Variants in DYNC2H1 observed in about 807,000 individuals in gnomAD.
The protein encoded by DYNC2H1 is cytoplasmic dynein 2 heavy chain 1.
A neutral mutation model predicts 570.0 loss-of-function variants in DYNC2H1; 410 were observed. The ratio of observed to expected loss-of-function variants is 0.72; its 90% CI spans 0.66 to 0.78. The LOEUF (loss-of-function observed/expected upper bound fraction) is 0.78. Among genes scored for constraint, DYNC2H1 ranks in the 30% least tolerant of loss-of-function variants. The pLI, the probability that DYNC2H1 is intolerant of heterozygous loss-of-function variation, is 0.00. For synonymous variants in DYNC2H1, 1,688 were observed against 1,677.6 expected (o/e 1.01, Z -0.15); for missense variants, 4,865 against 5,046.4 (o/e 0.96, Z 1.09).
chr11:103,337,733 T>G (rs1264683406), intron 82 of DYNC2H1, among the ~76,000 whole-genome samples: 1 of 152,202 alleles, frequency 6.6e-6, no homozygotes, highest in Non-Finnish European at 1.5e-5. Flanking sequence ...TCCAATTATT[T>G]GTTACTTTGC....
At chr11:103,173,605 C>A (rs1389254138) in intron 35 of DYNC2H1, among the ~76,000 whole-genome samples, 1 of 152,072 alleles carries the variant, frequency 6.6e-6, no homozygotes, top group Non-Finnish European at 1.5e-5. Flanking sequence ...TGACCACTCA[C>A]AAACTACTGT....
intron 82 of DYNC2H1, among the ~76,000 whole-genome samples, chr11:103,342,745 C>G (rs1939531374): frequency 6.6e-6 from 1 of 151,914 alleles, no homozygotes; most frequent in African/African-American, 2.4e-5. Flanking sequence ...ACCTCGTGAT[C>G]CACCCGCCTT....
intron 30 of DYNC2H1, among the ~76,000 whole-genome samples, chr11:103,165,190 C>G (rs561666417): frequency 6.6e-6 from 1 of 152,094 alleles, no homozygotes. Flanking sequence ...TGCAGTGGTG[C>G]GATCTCAGCT....
chr11:103,346,649 C>T (rs1939759072), intron 82 of DYNC2H1, among the ~76,000 whole-genome samples: 2 of 151,988 alleles, frequency 1.3e-5, no homozygotes, highest in South Asian at 4.1e-4. Flanking sequence ...GATTTTCAAA[C>T]TTTTATTAGG....
At chr11:103,153,588 G>C in intron 22 of DYNC2H1, 80 bp downstream of exon 22, 1 of 1,238,094 alleles carries the variant, frequency 8.1e-7, no homozygotes, top group South Asian at 1.5e-5. Flanking sequence ...TCTTATGTCT[G>C]TTATCTTGAT....
At chr11:103,141,440 AGGTCTGTT>A (rs1348945782) in intron 17 of DYNC2H1, among the ~76,000 whole-genome samples, 1 of 152,174 alleles carries the variant, frequency 6.6e-6, no homozygotes, top group Non-Finnish European at 1.5e-5. Flanking sequence ...CCTCAACTGT[AGGTCTGTT>A]GGAGTTTGTT....
At chr11:103,147,989 A>T in intron 19 of DYNC2H1, 102 bp downstream of exon 19, 1 of 798,468 alleles carries the variant, frequency 1.3e-6, no homozygotes, top group Admixed American at 3.0e-5. Context: ...TAAAAACCAA[A>T]ACTGAACTAA....
At chr11:103,123,042 G>A (rs1858800773) in intron 11 of DYNC2H1, 42 bp downstream of exon 11, 1 of 1,268,030 alleles carries the variant, frequency 7.9e-7, no homozygotes, top group African/African-American at 1.5e-5. Flanking sequence ...AAAACCATAT[G>A]TTATTAATCC....
rs1336771416 is a variant in DYNC2H1 at position 103,321,026 on chromosome 11, T to C, written c.11726-3T>C. 5 of 1,592,928 alleles carry C rather than the reference T, an allele frequency of 3.1e-6. No individual in the cohort carries two copies. In the African/African-American group the frequency reaches 5.4e-5, roughly 17 times the overall value. ...ATTAATGAGTGTTTTTTTAAAATTATAGGTGCCAAAGATGTACAATGGGAA... is the reference window on the plus strand; with the variant it reads ...ATTAATGAGTGTTTTTTTAAAATTACAGGTGCCAAAGATGTACAATGGGAA... On this transcript the variant is annotated splice_region_variant and splice_polypyrimidine_tract_variant and intron_variant, in intron 80 of 88. Coordinates refer to ENST00000375735, the MANE Select transcript of DYNC2H1 (RefSeq NM_001377.3).
At chr11:103,423,003 A>G (rs540926554) in intron 84 of DYNC2H1, among the ~76,000 whole-genome samples, 3 of 152,044 alleles carry the variant, frequency 2.0e-5, no homozygotes, top group Non-Finnish European at 2.9e-5. Context: ...TGGCAATTTG[A>G]GTCTATTTTT....
chr11:103,342,912 G>A (rs565462945), intron 82 of DYNC2H1, among the ~76,000 whole-genome samples: 2 of 152,202 alleles, frequency 1.3e-5, no homozygotes, highest in African/African-American at 4.8e-5. Context: ...CTGGGATATT[G>A]CCAAGTGGTG....
intron 83 of DYNC2H1, among the ~76,000 whole-genome samples, chr11:103,362,258 G>T (rs1940678455): frequency 6.7e-6 from 1 of 149,224 alleles, no homozygotes; most frequent in Non-Finnish European, 1.5e-5. Flanking sequence ...AATGATTTTT[G>T]CTAAATGAGG....
chr11:103,274,597 C>A (rs1865837796), intron 70 of DYNC2H1, among the ~76,000 whole-genome samples: 1 of 152,104 alleles, frequency 6.6e-6, no homozygotes, highest in South Asian at 2.1e-4. Flanking sequence ...TATTTAACTA[C>A]AAATCTGAAT....
chr11:103,231,398 T>C (rs1186322961), intron 60 of DYNC2H1, 52 bp downstream of exon 60: 2 of 1,176,928 alleles, frequency 1.7e-6, no homozygotes, highest in Non-Finnish European at 2.4e-6. Context: ...TGTTTACATT[T>C]GACATCTTGA....
chr11:103,293,329 C>T (rs556284388), intron 75 of DYNC2H1, among the ~76,000 whole-genome samples: 4 of 152,084 alleles, frequency 2.6e-5, no homozygotes, highest in African/African-American at 9.6e-5. Context: ...CTTCTTTTGT[C>T]TTGCTGCTTT....
chr11:103,354,684 A>G (rs1400182541), intron 82 of DYNC2H1, among the ~76,000 whole-genome samples: 2 of 152,048 alleles, frequency 1.3e-5, no homozygotes, highest in Admixed American at 6.5e-5. Flanking sequence ...TCAAAAAATA[A>G]TTTTGCTAAA....
intron 30 of DYNC2H1, among the ~76,000 whole-genome samples, chr11:103,164,882 A>G (rs542216546): frequency 6.6e-6 from 1 of 152,218 alleles, no homozygotes; most frequent in Non-Finnish European, 1.5e-5. Flanking sequence ...TTTATAATAT[A>G]GAAATTCAGT....
rs1943283592 is a variant in DYNC2H1 at position 103,416,368 on chromosome 11, A to G, written c.12366+16496A>G. On this transcript the variant is annotated intron_variant, in intron 84 of 88. Coordinates refer to ENST00000375735, the MANE Select transcript of DYNC2H1 (RefSeq NM_001377.3). ...CATATGGAACCAAAATAGAGCCTGT[A>G]TAGCCAAGACAATCCTAAGCAAAAA... Among the ~76,000 whole-genome samples the G allele has an allele frequency of 3.3e-5, 5 of 152,350 alleles. No individual in the cohort carries two copies. In the South Asian group the frequency reaches 6.2e-4, roughly 19 times the overall value.
At chr11:103,381,763 G>A (rs972708300) in intron 83 of DYNC2H1, among the ~76,000 whole-genome samples, 3 of 152,130 alleles carry the variant, frequency 2.0e-5, no homozygotes, top group East Asian at 1.9e-4. Context: ...TAATTTAGAC[G>A]CTAATGCTTG....
Sources: gnomAD v4.1 joint callset for allele counts (sites outside exome capture counted in the v4.1 genomes callset) on GRCh38, gnomAD v4.1.1 for gene constraint, MANE v1.5 for transcripts, NCBI Gene and HGNC (gene_info 2026-07-23, HGNC 2026-07-21) for gene names.